Variants in DNAH5 observed in about 807,000 individuals in gnomAD.
DNAH5 encodes dynein axonemal heavy chain 5, also known as axonemal beta dynein heavy chain 5.
Under a neutral mutation model 518.2 loss-of-function variants are expected in DNAH5, and 372 were observed. The ratio of observed to expected loss-of-function variants is 0.72; its 90% CI spans 0.66 to 0.78. The LOEUF (loss-of-function observed/expected upper bound fraction) is 0.78, where lower values mean the gene tolerates loss of function less well. Ranked by LOEUF, DNAH5 falls within the 30% of genes least tolerant of loss-of-function variation. The pLI is 0.00. For missense variants in DNAH5, 5,523 were observed against 5,687.0 expected, an observed-to-expected ratio of 0.97 and a Z score of 0.93; for synonymous variants, 2,039 against 2,025.9, an observed-to-expected ratio of 1.01 and a Z score of -0.17.
At chr5:13,817,229 A>T (rs1027126916) in intron 42 of DNAH5, among the ~76,000 whole-genome samples, 2 of 152,236 alleles carry the variant, frequency 1.3e-5, no homozygotes, top group African/African-American at 2.4e-5. Context: ...ATATTCAGTG[A>T]AAATAGTTAT....
chr5:13,793,809 G>C lies in DNAH5; in HGVS notation c.8011-81C>G. On this transcript the variant is annotated intron_variant, in intron 48 of 78. Coordinates refer to ENST00000265104, the MANE Select transcript of DNAH5 (RefSeq NM_001369.3). ...AACTCCTTGAGTGTTTCCAAAGAAAGAACTTTACTGGAATTCAGAAATTAT... is the reference window on the plus strand; with the variant it reads ...AACTCCTTGAGTGTTTCCAAAGAAACAACTTTACTGGAATTCAGAAATTAT... 5 of 1,565,898 alleles carry C rather than the reference G, an allele frequency of 3.2e-6. No homozygotes were observed. In the South Asian group the frequency reaches 4.6e-5, roughly 14 times the overall value.
chr5:13,945,002 C>A (rs373394535), upstream of DNAH5, among the ~76,000 whole-genome samples: 1 of 152,190 alleles, frequency 6.6e-6, no homozygotes, highest in Non-Finnish European at 1.5e-5. Flanking sequence ...AGCATTGTGA[C>A]TAATTGTGAC....
intron 30 of DNAH5, among the ~76,000 whole-genome samples, chr5:13,852,229 G>A (rs1766978341): frequency 6.6e-6 from 1 of 152,146 alleles, no homozygotes; most frequent in Admixed American, 6.5e-5. Context: ...GTGCAACGGT[G>A]TGATCTCAGC....
chr5:13,741,127 C>T lies in DNAH5; in HGVS notation c.11212-3632G>A, dbSNP rs560141082. Among the ~76,000 whole-genome samples the T allele has an allele frequency of 9.9e-5, 15 of 152,258 alleles. No homozygotes were observed. The East Asian group carries it at 2.3e-3, about 23-fold the overall frequency. ...TGCCAGAAATGCAGATGTGGAAATG[C>T]TCAATCTCTGAAAACCATGACATTA... is the stretch of plus-strand genomic sequence containing the variant. On this transcript the variant is annotated intron_variant, in intron 65 of 78. Coordinates refer to ENST00000265104, the MANE Select transcript of DNAH5 (RefSeq NM_001369.3).
chr5:13,768,946 T>C lies in DNAH5; in HGVS notation c.9897+14A>G. 1.2e-6 allele frequency: 2 copies of C among 1,614,078 alleles called. No homozygotes were observed. Among genetic ancestry groups the C allele is most frequent in the African/African-American group, 2.7e-5 (2 of 75,068 alleles). On this transcript the variant is annotated intron_variant, in intron 58 of 78. Transcript: ENST00000265104. ...AGCCCTAAAGCTGACATCTGTTATA[T>C]CACATAGATGCACCTGCAATGCAGC...
chr5:13,994,736 C>G (rs1323679954), intron 1 of DNAH5, among the ~76,000 whole-genome samples: 1 of 152,166 alleles, frequency 6.6e-6, no homozygotes, highest in Non-Finnish European at 1.5e-5. Context: ...GAGCTCTTCA[C>G]CCGCCTCTTC....
At chr5:13,738,589 C>A (rs1024017871) in intron 65 of DNAH5, among the ~76,000 whole-genome samples, 1 of 152,102 alleles carries the variant, frequency 6.6e-6, no homozygotes, top group African/African-American at 2.4e-5. Flanking sequence ...TCCTTATTGG[C>A]CTTTTCTTCC....
intron 17 of DNAH5, among the ~76,000 whole-genome samples, chr5:13,888,335 T>C (rs1024446334): frequency 2.0e-5 from 3 of 152,204 alleles, no homozygotes; most frequent in Admixed American, 6.5e-5. Context: ...TACAACATGC[T>C]TCCACCTCAG....
At chr5:13,806,959 T>TA (rs1486978818) in intron 47 of DNAH5, among the ~76,000 whole-genome samples, 1 of 152,160 alleles carries the variant, frequency 6.6e-6, no homozygotes, top group African/African-American at 2.4e-5. Flanking sequence ...GGAACAAGAT[T>TA]AAAGTGGCAT....
At chr5:13,788,672 G>A in intron 51 of DNAH5, 44 bp downstream of exon 51, 1 of 1,526,182 alleles carries the variant, frequency 6.6e-7, no homozygotes, top group Non-Finnish European at 9.1e-7. Context: ...TTCCCTTTAG[G>A]GAACACCTTT....
At chr5:13,958,450 C>A (rs767643587) in intron 1 of DNAH5, among the ~76,000 whole-genome samples, 1 of 151,964 alleles carries the variant, frequency 6.6e-6, no homozygotes, top group Non-Finnish European at 1.5e-5. Flanking sequence ...CTGTTCATGT[C>A]CCTTCCTATT....
chr5:13,739,374 T>G (rs1378420883), intron 65 of DNAH5, among the ~76,000 whole-genome samples: 2 of 152,154 alleles, frequency 1.3e-5, no homozygotes, highest in African/African-American at 4.8e-5. Flanking sequence ...TTCCCCTGCT[T>G]GTACTCACTC....
intron 60 of DNAH5, among the ~76,000 whole-genome samples, chr5:13,760,124 G>A (rs931960510): frequency 1.3e-5 from 2 of 152,278 alleles, no homozygotes; most frequent in Admixed American, 1.3e-4. Context: ...TAAAGTCACC[G>A]TGTCAAGCAA....
At position 13,870,989 on chromosome 5, in the gene DNAH5, G is replaced by C. The variant is rs752941536; in HGVS notation, c.3612C>G (p.Phe1204Leu). Reference sequence around the variant, plus strand: ...AGGCCTTTGTCTCAGCAGTCAGGGCGAACTTCAAGTCAGCTGTAAAAACCC... The same window carrying C: ...AGGCCTTTGTCTCAGCAGTCAGGGCCAACTTCAAGTCAGCTGTAAAAACCC... ...SIALYTADLK[F>L]ALTAETKAWM... The change falls in exon 24 of 79, where the codon TTC becomes TTG. Residue 1204 changes from phenylalanine to leucine, a missense_variant. Phe to Leu is a conservative substitution (Grantham distance 22). Transcript: ENST00000265104. The C allele has an allele frequency of 6.2e-7, 1 of 1,613,276 alleles. No individual in the cohort carries two copies. The highest frequency in any genetic ancestry group is 8.5e-7 in the Non-Finnish European group (1 of 1,179,642).
intron 1 of DNAH5, among the ~76,000 whole-genome samples, chr5:13,940,448 T>A (rs1779354888): frequency 1.3e-5 from 2 of 152,200 alleles, no homozygotes; most frequent in African/African-American, 4.8e-5. Context: ...ACGTTATATA[T>A]GGCACAGGAG....
Position 13,792,126 on chromosome 5 carries a change from T to C in DNAH5, c.8316A>G (p.Arg2772=), listed in dbSNP as rs751595453. ...TTTTAATCTTGGTCATCTGCCATAG[T>C]CGGCGTGTCAGAGGCACCAATTTTG... ...SVTKLVPLTR[R]LWQMTKIKML... The change falls in exon 50 of 79, where the codon CGA becomes CGG. Residue 2772 remains arginine (R), a synonymous_variant. Transcript: ENST00000265104. The C allele has an allele frequency of 1.2e-6, 2 of 1,614,062 alleles. No individual in the cohort carries two copies. The highest frequency in any genetic ancestry group is 8.5e-7 in the Non-Finnish European group (1 of 1,179,976).
intron 60 of DNAH5, among the ~76,000 whole-genome samples, chr5:13,760,956 T>G (rs1455148768): frequency 6.6e-6 from 1 of 152,230 alleles, no homozygotes; most frequent in Non-Finnish European, 1.5e-5. Flanking sequence ...TTTTTCGGAC[T>G]GACGTAAGAG....
chr5:13,842,471 GAA>G lies in DNAH5; in HGVS notation c.5272-569_5272-568del, dbSNP rs1491168221. ...AGAAAGAAAGAAAGAAAGAAAGAAA[GAA>G]AGAAAGAAAGAGAAAGAAAAGAAAG... On this transcript the variant is annotated intron_variant, in intron 32 of 78. Coordinates refer to ENST00000265104, the MANE Select transcript of DNAH5 (RefSeq NM_001369.3). 1.8e-4 allele frequency among the ~76,000 whole-genome samples: 20 copies of G among 108,820 alleles called. 1 individual carries two copies. Among genetic ancestry groups the G allele is most frequent in the Admixed American group, 1.4e-3 (16 of 11,198 alleles). The allele number at this position is 108,820 out of a possible 152,430, so 71.4% of individuals were successfully genotyped here.
chr5:13,902,111 T>C lies in DNAH5; in HGVS notation c.1672A>G (p.Thr558Ala), dbSNP rs1530498. The C allele has an allele frequency of 0.4, 634,378 of 1,603,616 alleles. 131,552 individuals are homozygous for C. The highest frequency in any genetic ancestry group is 0.76 in the East Asian group (33,922 of 44,714). ...TTTGTGTTTTGAATCTTTGCAAATG[T>C]AACATCCATGAACTTCCGCAACTCG... ...HNELRKFMDV[T>A]FAKIQNTNQA... Residue 558 changes from threonine (T) to alanine (A), a missense_variant, in exon 13 of 79, where the codon ACA (threonine) becomes GCA (alanine). This residue lies in a region of DNAH5 where 5,121 missense variants were observed against 5,223.3 expected (regional missense o/e 0.98). Transcript: ENST00000265104.
Sources: allele counts gnomAD v4.1 joint callset (sites outside exome capture counted in the v4.1 genomes callset), GRCh38; gene constraint gnomAD v4.1.1; regional missense constraint gnomAD v4.1.1; transcripts MANE v1.5; gene names NCBI Gene and HGNC (gene_info 2026-07-23, HGNC 2026-07-21).